The following DGKZ variants were observed in gnomAD, a reference collection of about 807,000 sequenced individuals.
The protein encoded by DGKZ is diacylglycerol kinase zeta.
A neutral mutation model predicts 142.5 loss-of-function variants in DGKZ; 45 were observed. The ratio of observed to expected loss-of-function variants is 0.32; its 90% confidence interval spans 0.25 to 0.40. The LOEUF is 0.40. Ranked by LOEUF, DGKZ falls within the 10% of genes least tolerant of loss-of-function variation. The pLI is 1.00. For synonymous variants in DGKZ, 442 were observed against 527.0 expected, an observed-to-expected ratio of 0.84 and a Z score of 2.21; for missense variants, 755 against 1,306.5, an observed-to-expected ratio of 0.58 and a Z score of 6.51.
chr11:46,340,533 G>A (rs1343980715), intron 1 of DGKZ, among the ~76,000 whole-genome samples: 1 of 152,240 alleles, frequency 6.6e-6, no homozygotes, highest in Non-Finnish European at 1.5e-5. Flanking sequence ...GACCACCTTT[G>A]GCTGCTGGGC....
chr11:46,354,227 C>T (rs770527851), intron 1 of DGKZ, among the ~76,000 whole-genome samples: 11 of 152,228 alleles, frequency 7.2e-5, no homozygotes, highest in Non-Finnish European at 1.3e-4. Flanking sequence ...CCCTCTGTCA[C>T]CCAGGCTGGA....
intron 30 of DGKZ, 51 bp from the exon 31 acceptor site, chr11:46,379,780 G>T: frequency 1.3e-6 from 2 of 1,533,626 alleles, no homozygotes; most frequent in East Asian, 4.6e-5. Flanking sequence ...AGCCTGCTAG[G>T]GGTTAGGCCT....
chr11:46,359,607 T>C (rs974561191), intron 1 of DGKZ, among the ~76,000 whole-genome samples: 1 of 151,174 alleles, frequency 6.6e-6, no homozygotes, highest in Non-Finnish European at 1.5e-5. Flanking sequence ...TTATTTATAT[T>C]TATTTATTTA....
At chr11:46,374,046 C>T in intron 14 of DGKZ, 111 bp from the exon 15 acceptor site, 1 of 1,204,916 alleles carries the variant, frequency 8.3e-7, no homozygotes. Flanking sequence ...CGCTGCTGAC[C>T]AGGAAAAGCC....
At chr11:46,379,668 C>T (rs1007969967) in intron 30 of DGKZ, 100 bp downstream of exon 30, 3 of 1,306,818 alleles carry the variant, frequency 2.3e-6, no homozygotes, top group Non-Finnish European at 3.1e-6. Flanking sequence ...TGGGAAGACA[C>T]AGTCCAGACC....
intron 1 of DGKZ, among the ~76,000 whole-genome samples, chr11:46,339,336 A>G (rs951745209): frequency 6.6e-6 from 1 of 152,236 alleles, no homozygotes; most frequent in Non-Finnish European, 1.5e-5. Context: ...CTGAATTAAC[A>G]ATGCAAAACC....
chr11:46,378,179 ACAT>A lies in DGKZ; in HGVS notation c.2343-15_2343-13del. 1 of 1,608,126 alleles carries A rather than the reference ACAT, an allele frequency of 6.2e-7. No homozygotes were observed. The highest frequency in any genetic ancestry group is 1.3e-5 in the African/African-American group (1 of 75,010). On this transcript the variant is annotated splice_polypyrimidine_tract_variant and intron_variant, in intron 25 of 30. Coordinates refer to ENST00000527911, the Ensembl canonical transcript of DGKZ. ...GGCCTGTGCCGTAGCCGGTCACAGC[ACAT>A]CATGCTCTGTTGCAGGTCACTGCAA...
chr11:46,379,732 C>G (rs1945006671), intron 30 of DGKZ, 99 bp from the exon 31 acceptor site: 24 of 1,347,630 alleles, frequency 1.8e-5, no homozygotes, highest in Middle Eastern at 3.9e-4. Context: ...GGCCTCCCTC[C>G]CTGACCAGGC....
At chr11:46,366,055 TG>T in intron 1 of DGKZ, 2 of 985,338 alleles carry the variant, frequency 2.0e-6, no homozygotes, top group Non-Finnish European at 2.4e-6. Context: ...GATCCTCACA[TG>T]GAGGTCAGAG....
chr11:46,337,851 G>A (rs1299634470), intron 1 of DGKZ, among the ~76,000 whole-genome samples: 1 of 152,174 alleles, frequency 6.6e-6, no homozygotes, highest in Non-Finnish European at 1.5e-5. Flanking sequence ...CTGGCGGAGG[G>A]CTTCCCTGTG....
At chr11:46,360,617 C>T (rs1942538271) in intron 1 of DGKZ, among the ~76,000 whole-genome samples, 1 of 152,076 alleles carries the variant, frequency 6.6e-6, no homozygotes. Flanking sequence ...GAAACCCCGT[C>T]TCTACTAAAA....
intron 5 of DGKZ, 87 bp downstream of exon 5, chr11:46,369,637 G>A: frequency 6.5e-7 from 1 of 1,542,848 alleles, no homozygotes; most frequent in Non-Finnish European, 8.9e-7. Flanking sequence ...CCACCAGGGG[G>A]CTCGGCTCCC....
intron 8 of DGKZ, 40 bp downstream of exon 8, chr11:46,371,643 G>A: frequency 1.2e-6 from 2 of 1,613,652 alleles, no homozygotes; most frequent in South Asian, 2.2e-5. Flanking sequence ...GTACGCACTT[G>A]GGGTCTGCCA....
At chr11:46,354,667 G>A (rs956740178) in intron 1 of DGKZ, among the ~76,000 whole-genome samples, 3 of 152,208 alleles carry the variant, frequency 2.0e-5, no homozygotes, top group African/African-American at 7.2e-5. Context: ...TTACTCCCTG[G>A]AGGAAACCAC....
Position 46,370,933 on chromosome 11 carries a change from A to C in DGKZ, c.571-380A>C, listed in dbSNP as rs2136479298. 1.3e-5 allele frequency among the ~76,000 whole-genome samples: 2 copies of C among 152,136 alleles called. 1 individual carries two copies. Among genetic ancestry groups the C allele is most frequent in the South Asian group, 4.2e-4 (2 of 4,816 alleles). ...ACCCTGTCTCTACTGAAAATACAAA[A>C]AATTAGCTGGGCGTAGTGGTGGGCG... On this transcript the variant is annotated intron_variant, in intron 6 of 30. Coordinates refer to ENST00000527911, the Ensembl canonical transcript of DGKZ.
At chr11:46,353,404 G>A (rs1291927976) in intron 1 of DGKZ, among the ~76,000 whole-genome samples, 8 of 152,176 alleles carry the variant, frequency 5.3e-5, no homozygotes. Flanking sequence ...CGGTGCCAAC[G>A]GTGTGAGACC....
intron 1 of DGKZ, among the ~76,000 whole-genome samples, chr11:46,359,589 A>G (rs1942407047): frequency 1.3e-5 from 2 of 151,384 alleles, no homozygotes; most frequent in African/African-American, 2.4e-5. Context: ...GTGGTTTTAT[A>G]TTTATATTTA....
chr11:46,373,290 T>TTTG (rs1221506828), intron 14 of DGKZ, among the ~76,000 whole-genome samples, 189 bp downstream of exon 14: 2 of 140,446 alleles, frequency 1.4e-5, no homozygotes, highest in African/African-American at 5.4e-5. Flanking sequence ...TTTTTGTTTT[T>TTTG]TTTTTTTTTT....
rs1943413870 is a variant in DGKZ at position 46,367,255 on chromosome 11, GCT to G, written c.162-34_162-33del. On this transcript the variant is annotated intron_variant, in intron 1 of 30. Transcript: ENST00000527911. The surrounding 1 kb of genome is among the most constrained non-coding windows in gnomAD (Gnocchi z 4.1). Reference sequence around the variant, plus strand: ...GTGGGAGGAAGTAGGGTCAGCAAGTGCTCAGCCCCCTCCTCAGCTGTCTTCTC... The same window carrying G: ...GTGGGAGGAAGTAGGGTCAGCAAGTGCAGCCCCCTCCTCAGCTGTCTTCTC... 1 of 1,574,810 alleles carries G rather than the reference GCT, an allele frequency of 6.3e-7. No individual in the cohort carries two copies. Among genetic ancestry groups the G allele is most frequent in the Non-Finnish European group, 8.7e-7 (1 of 1,149,688 alleles).
Sources: gnomAD v4.1 joint callset for allele counts (sites outside exome capture counted in the v4.1 genomes callset) on GRCh38, gnomAD v4.1.1 for gene constraint, Gnocchi (gnomAD v3.1) non-coding constraint, MANE v1.5 for transcripts, NCBI Gene and HGNC (gene_info 2026-07-23, HGNC 2026-07-21) for gene names.